BPIFB6: variants seen among roughly 807,000 people sequenced by gnomAD.
The protein encoded by BPIFB6 is BPI fold containing family B member 6.
Under a neutral mutation model 54.7 loss-of-function variants are expected in BPIFB6, and 47 were observed. The ratio of observed to expected loss-of-function variants is 0.86; its 90% CI spans 0.68 to 1.10. The LOEUF (loss-of-function observed/expected upper bound fraction) is 1.10, where lower values mean the gene tolerates loss of function less well. BPIFB6 is among the 50% of genes least tolerant of loss of function. The probability of loss-of-function intolerance (pLI) is 0.00; values close to 1 mark genes in which losing one functional copy is unlikely to be tolerated. For missense variants in BPIFB6, 603 were observed against 564.1 expected, an observed-to-expected ratio of 1.07 and a Z score of -0.70; for synonymous variants, 255 against 225.9, an observed-to-expected ratio of 1.13 and a Z score of -1.16.
At chr20:33,040,723 C>A (rs1979545853) in intron 11 of BPIFB6, among the ~76,000 whole-genome samples, 1 of 152,226 alleles carries the variant, frequency 6.6e-6, no homozygotes, top group Non-Finnish European at 1.5e-5. Context: ...ATTTATGGAG[C>A]TCTCTCTATA....
In BPIFB6 at chr20:33,039,364, C is replaced by T. The variant is rs767530991; in HGVS notation, c.918C>T (p.Pro306=). The T allele has an allele frequency of 3.1e-6, 5 of 1,612,270 alleles. No homozygotes were observed. The highest frequency in any genetic ancestry group is 4.2e-6 in the Non-Finnish European group (5 of 1,179,460). ...RFIPEVAVAY[P]KSKPLTTQIK... is the part of the protein sequence containing the mutation. ...TTCTGTAGGTGGCTGTAGCTTATCC[C>T]AAGTCAAAGCCCTTGACGACCCAGA... The change falls in exon 10 of 15, where the codon CCC becomes CCT. Residue 306 remains proline (P), a synonymous_variant. Coordinates refer to ENST00000349552, the MANE Select transcript of BPIFB6 (RefSeq NM_174897.2).
chr20:33,039,114 G>C, intron 9 of BPIFB6, 152 bp downstream of exon 9: 1 of 1,061,382 alleles, frequency 9.4e-7, no homozygotes, highest in Non-Finnish European at 1.4e-6. Flanking sequence ...AGTACTTTTT[G>C]GGTCCAACAT....
chr20:33,032,116 C>T (rs2070313), intron 1 of BPIFB6, among the ~76,000 whole-genome samples: 42,645 of 152,024 alleles, frequency 0.28, 7,260 homozygotes, highest in East Asian at 0.74. Context: ...CCCTGTGTTG[C>T]TGTTTGCTCA....
rs757482457 is a variant in BPIFB6, at chr20:33,035,122, T to G, written c.494T>G (p.Leu165Arg). 6.2e-7 allele frequency: 1 copy of G among 1,613,908 alleles called. No individual in the cohort carries two copies. The highest frequency in any genetic ancestry group is 8.5e-7 in the Non-Finnish European group (1 of 1,180,008). ...GTCAACAAGTTCCTGGACAGCACCCTGCACAAAGTCCTCCCTGGGCTGGTG... is the reference window on the plus strand; with the variant it reads ...GTCAACAAGTTCCTGGACAGCACCCGGCACAAAGTCCTCCCTGGGCTGGTG... ...KMVNKFLDST[L>R]HKVLPGLMCP... Residue 165 changes from leucine (L) to arginine (R), a missense_variant, in exon 5 of 15, where the codon CTG becomes CGG. Coordinates refer to ENST00000349552, the MANE Select transcript of BPIFB6 (RefSeq NM_174897.2).
In BPIFB6 at chr20:33,036,501, G is replaced by A. The variant is rs367598730; in HGVS notation, c.634G>A (p.Ala212Thr). The change falls in exon 7 of 15, where the codon GCC (alanine) becomes ACC (threonine). Residue 212 changes from alanine (A) to threonine (T), a missense_variant. Physicochemically the swap from Ala to Thr is moderately conservative, Grantham distance 58. Transcript: ENST00000349552. Reference protein sequence around the residue: ...TVKYVLMSAPATTASYIQLDF... With the variant: ...TVKYVLMSAPTTTASYIQLDF... The stretch of plus-strand genomic sequence containing the variant: ...CAAATATGTTCTGATGTCCGCACCA[G>A]CCACCACAGCCAGCTACATCCAACT... The A allele has an allele frequency of 5.8e-5, 93 of 1,614,088 alleles. No homozygotes were observed. The highest frequency in any genetic ancestry group is 1.6e-4 in the Middle Eastern group (1 of 6,084).
At chr20:33,040,007 A>T (rs866142495) in intron 10 of BPIFB6, among the ~76,000 whole-genome samples, 32 of 152,250 alleles carry the variant, frequency 2.1e-4, no homozygotes, top group African/African-American at 7.2e-4. Context: ...GTGTGCAGGG[A>T]CCTACTGACA....
In BPIFB6 at chr20:33,034,744, C is replaced by T. The variant is rs1273187213; in HGVS notation, c.303-19C>T. The T allele has an allele frequency of 8.8e-6, 14 of 1,595,092 alleles. No homozygotes were observed. Among genetic ancestry groups the T allele is most frequent in the Non-Finnish European group, 1.2e-5 (14 of 1,167,110 alleles). Reference sequence around the variant, plus strand: ...CCATGGCAGAGATGCCCATGGTGCCCTCCTGCTCTGTCCTCCAGCTTCATG... The same window carrying T: ...CCATGGCAGAGATGCCCATGGTGCCTTCCTGCTCTGTCCTCCAGCTTCATG... On this transcript the variant is annotated intron_variant, in intron 3 of 14. Transcript: ENST00000349552.
rs2146369967 is a variant in BPIFB6 at position 33,043,383 on chromosome 20, A to G, written c.1329+16A>G. 1 of 1,610,434 alleles carries G rather than the reference A, an allele frequency of 6.2e-7. No homozygotes were observed. Among genetic ancestry groups the G allele is most frequent in the South Asian group, 1.1e-5 (1 of 90,980 alleles). ...CATAGTAGAGGTGAGAGGAGGGGCT[A>G]GGGGAGGTCATGTCAATCAACACTG... is the stretch of plus-strand genomic sequence containing the variant. On this transcript the variant is annotated intron_variant, in intron 14 of 14. Transcript: ENST00000349552.
At chr20:33,043,488 T>C in intron 14 of BPIFB6, 121 bp downstream of exon 14, 2 of 873,176 alleles carry the variant, frequency 2.3e-6, no homozygotes, top group South Asian at 2.9e-5. Flanking sequence ...TGGCCATCAA[T>C]ATAATCCTGC....
intron 7 of BPIFB6, among the ~76,000 whole-genome samples, chr20:33,036,986 C>T (rs73904420): frequency 0.027 from 4,128 of 152,164 alleles, 184 homozygotes; most frequent in African/African-American, 0.095. Context: ...CCACTCTCAC[C>T]TCACCCTCAC....
chr20:33,035,264 T>C, intron 5 of BPIFB6, 120 bp downstream of exon 5: 1 of 1,051,320 alleles, frequency 9.5e-7, no homozygotes, highest in Non-Finnish European at 1.4e-6. Context: ...GGAAGGGTTC[T>C]GAGACTGTGG....
At chr20:33,040,135 C>A in intron 10 of BPIFB6, 116 bp from the exon 11 acceptor site, 1 of 903,210 alleles carries the variant, frequency 1.1e-6, no homozygotes, top group Non-Finnish European at 1.8e-6. Flanking sequence ...GAGAGAAGAT[C>A]CCCTGCTTTG....
In BPIFB6 at chr20:33,036,539, A is replaced by G. The variant is rs758791256; in HGVS notation, c.669+3A>G. 3.1e-6 allele frequency: 5 copies of G among 1,613,588 alleles called. No homozygotes were observed. The highest frequency in any genetic ancestry group is 4.2e-6 in the Non-Finnish European group (5 of 1,179,618). ...GCTACATCCAACTGGACTTCAGTGT[A>G]AGCGCCTAGGGCCACCTGGGAGCTG... is the stretch of plus-strand genomic sequence containing the variant. On this transcript the variant is annotated splice_donor_region_variant and intron_variant, in intron 7 of 14. Transcript: ENST00000349552.
rs1174867352 is a variant in BPIFB6 at position 33,041,976 on chromosome 20, G to A, written c.1149G>A (p.Leu383=). Reference sequence around the variant, plus strand: ...CTTCCCCACTCCCCCACAGATTACTGAGCTTGTCCCGGAAGTCCTCATCGA... The same window carrying A: ...CTTCCCCACTCCCCCACAGATTACTAAGCTTGTCCCGGAAGTCCTCATCGA... ...LQMATSLDRL[L]SLSRKSSSIG... is the part of the protein sequence containing the mutation. The change falls in exon 12 of 15, where the codon CTG becomes CTA. Residue 383 remains leucine, a synonymous_variant. Transcript: ENST00000349552. 1.9e-6 allele frequency: 3 copies of A among 1,614,016 alleles called. No homozygotes were observed. The highest frequency in any genetic ancestry group is 1.7e-5 in the Admixed American group (1 of 60,012).
At position 33,035,816 on chromosome 20, in the gene BPIFB6, C is replaced by T. The variant is rs978251339; in HGVS notation, c.577+144C>T. On this transcript the variant is annotated intron_variant, in intron 6 of 14. Transcript: ENST00000349552. ...CTTGAGGTCATGATGTTCATCCCCC[C>T]ACTGTCCCGATGGGAGGCCTGAAGT... 10 of 863,808 alleles carry T rather than the reference C, an allele frequency of 1.2e-5. No homozygotes were observed. In the Admixed American group the frequency reaches 1.6e-4, roughly 14 times the overall value. 53.5% of individuals were successfully genotyped at this position (863,808 alleles called of 1,614,324 possible).
rs568767598 is a variant in BPIFB6, at chr20:33,032,914, G to A, written c.98-70G>A. 4.8e-4 allele frequency: 613 copies of A among 1,264,682 alleles called. 1 individual carries two copies. Among genetic ancestry groups the A allele is most frequent in the Non-Finnish European group, 6.7e-4 (582 of 867,408 alleles). The allele number at this position is 1,264,682 out of a possible 1,614,324, so 78.3% of individuals were successfully genotyped here. A position where few individuals can be genotyped will look rare whatever the true frequency, so the allele number is the denominator to read the frequency against. On this transcript the variant is annotated intron_variant, in intron 1 of 14. Coordinates refer to ENST00000349552, the MANE Select transcript of BPIFB6 (RefSeq NM_174897.2). ...CCAGCCCAGGGTGGGGCACAGTGACGGTGAGTGGCCTGGGATACCTGAGTG... is the reference window on the plus strand; with the variant it reads ...CCAGCCCAGGGTGGGGCACAGTGACAGTGAGTGGCCTGGGATACCTGAGTG...
At chr20:33,034,382 T>C (rs756342161) in intron 3 of BPIFB6, 92 bp downstream of exon 3, 264 of 920,526 alleles carry the variant, frequency 2.9e-4, no homozygotes, top group Non-Finnish European at 3.7e-4. Context: ...CTGTGTACCA[T>C]CTGAGTGTTG....
intron 2 of BPIFB6, chr20:33,033,521 G>T: frequency 2.2e-6 from 1 of 455,330 alleles, no homozygotes; most frequent in South Asian, 1.5e-5. Context: ...CGATGCACTT[G>T]GGAGGGCTCT....
Position 33,039,382 on chromosome 20 carries a change from G to T in BPIFB6, c.936G>T (p.Thr312=). 6.2e-7 allele frequency: 1 copy of T among 1,613,594 alleles called. No homozygotes were observed. Among genetic ancestry groups the T allele is most frequent in the Non-Finnish European group, 8.5e-7 (1 of 1,179,866 alleles). Residue 312 remains threonine (T), a synonymous_variant, in exon 10 of 15, where the codon ACG becomes ACT. Transcript: ENST00000349552. The part of the protein sequence containing the change: ...AVAYPKSKPL[T]TQIKIKKPPK... The stretch of plus-strand genomic sequence containing the variant: ...CTTATCCCAAGTCAAAGCCCTTGAC[G>T]ACCCAGATCAAGATAAAGAAGCCTC...
Sources: allele counts gnomAD v4.1 joint callset (sites outside exome capture counted in the v4.1 genomes callset), GRCh38; gene constraint gnomAD v4.1.1; transcripts MANE v1.5; gene names NCBI Gene and HGNC (gene_info 2026-07-23, HGNC 2026-07-21).